LRMDA: variants seen among roughly 807,000 people sequenced by gnomAD.
LRMDA encodes leucine-rich melanocyte differentiation-associated protein.
LRMDA carries 18 observed loss-of-function variants against 29.8 expected under a neutral mutation model. The observed-to-expected ratio is 0.60, with a 90% CI of 0.42 to 0.90. The LOEUF is 0.90. Among genes scored for constraint, LRMDA ranks in the 40% least tolerant of loss-of-function variants. The pLI is 0.00. For missense variants in LRMDA, 273 were observed against 273.9 expected (o/e 1.00, Z 0.02); for synonymous variants, 125 against 109.4 (o/e 1.14, Z -0.89).
chr10:75,939,760 A>T (rs1846356923), intron 2 of LRMDA, among the ~76,000 whole-genome samples: 1 of 152,232 alleles, frequency 6.6e-6, no homozygotes, highest in Non-Finnish European at 1.5e-5. Context: ...GCTGGGGTGA[A>T]CTAGGTAGGT....
At chr10:75,824,101 C>T (rs1251716915) in intron 2 of LRMDA, among the ~76,000 whole-genome samples, 2 of 152,008 alleles carry the variant, frequency 1.3e-5, no homozygotes, top group African/African-American at 4.8e-5. Flanking sequence ...GTGATATATC[C>T]ATGTAACACA....
At chr10:76,011,883 A>G (rs935138994) in intron 2 of LRMDA, among the ~76,000 whole-genome samples, 8 of 152,164 alleles carry the variant, frequency 5.3e-5, no homozygotes, top group African/African-American at 1.9e-4. Context: ...TCCAGATTGC[A>G]TGGGATGGAA....
At chr10:76,059,621 T>C (rs1394092790) in intron 5 of LRMDA, among the ~76,000 whole-genome samples, 1 of 152,172 alleles carries the variant, frequency 6.6e-6, no homozygotes, top group African/African-American at 2.4e-5. Flanking sequence ...GCAACTTGTG[T>C]GTTGAAAATG....
At chr10:76,299,810 T>C (rs180739956) in intron 5 of LRMDA, among the ~76,000 whole-genome samples, 405 of 152,264 alleles carry the variant, frequency 2.7e-3, no homozygotes, top group African/African-American at 9.4e-3. Context: ...TTTTGTCCTC[T>C]AGAAAGATGT....
chr10:75,482,638 G>A (rs1424739198), intron 2 of LRMDA, among the ~76,000 whole-genome samples: 1 of 152,170 alleles, frequency 6.6e-6, no homozygotes, highest in East Asian at 1.9e-4. Flanking sequence ...TAATTGTTAA[G>A]TGACTGAGTA....
chr10:76,125,663 G>T (rs1849867498), intron 5 of LRMDA, among the ~76,000 whole-genome samples: 1 of 152,182 alleles, frequency 6.6e-6, no homozygotes, highest in Admixed American at 6.5e-5. Flanking sequence ...ACCTAGAGGA[G>T]GAGGGCGTGA....
chr10:75,621,185 G>A (rs980167123), intron 2 of LRMDA, among the ~76,000 whole-genome samples: 10 of 147,050 alleles, frequency 6.8e-5, no homozygotes, highest in African/African-American at 2.6e-4. Context: ...TTTTATGGCT[G>A]AGTAGTATTC....
Position 76,250,568 on chromosome 10 carries a change from A to G in LRMDA, c.517-73833A>G, listed in dbSNP as rs939649440. 3.3e-5 allele frequency among the ~76,000 whole-genome samples: 5 copies of G among 152,326 alleles called. 1 individual carries two copies. The highest frequency in any genetic ancestry group is 6.5e-5 in the Admixed American group (1 of 15,302). On this transcript the variant is annotated intron_variant, in intron 5 of 6. Coordinates refer to ENST00000611255, the MANE Select transcript of LRMDA (RefSeq NM_001305581.2). ...ATCATGAATAGGTTTCAAATCTCGTATTTGGAGCATTTCAATTTAAGTTTG... is the reference window on the plus strand; with the variant it reads ...ATCATGAATAGGTTTCAAATCTCGTGTTTGGAGCATTTCAATTTAAGTTTG...
chr10:76,276,915 T>C (rs1840142745), intron 5 of LRMDA, among the ~76,000 whole-genome samples: 8 of 152,170 alleles, frequency 5.3e-5, no homozygotes, highest in Admixed American at 5.2e-4. Context: ...GCCTGTACAC[T>C]CAAGAGTTAG....
intron 2 of LRMDA, among the ~76,000 whole-genome samples, chr10:75,640,321 A>G (rs1309496405): frequency 1.3e-5 from 2 of 152,086 alleles, no homozygotes; most frequent in Non-Finnish European, 2.9e-5. Context: ...CTAAGGAGGT[A>G]CTCTTAAATC....
intron 6 of LRMDA, among the ~76,000 whole-genome samples, chr10:76,365,107 T>TAC (rs61263118): frequency 1.6e-5 from 1 of 61,202 alleles, no homozygotes; most frequent in Non-Finnish European, 4.3e-5. Context: ...TATATATATA[T>TAC]ACACACACAC....
chr10:76,301,433 C>A (rs557505489), intron 5 of LRMDA, among the ~76,000 whole-genome samples: 5 of 152,304 alleles, frequency 3.3e-5, no homozygotes, highest in Admixed American at 2.6e-4. Flanking sequence ...GACGAAGAAG[C>A]GCAAGCTGGC....
intron 5 of LRMDA, among the ~76,000 whole-genome samples, chr10:76,137,031 C>A (rs1180577951): frequency 1.3e-5 from 2 of 152,180 alleles, no homozygotes; most frequent in African/African-American, 4.8e-5. Context: ...GGCCACCTTA[C>A]ACCAAACCAT....
chr10:76,275,725 T>C (rs1840122922), intron 5 of LRMDA, among the ~76,000 whole-genome samples: 1 of 152,140 alleles, frequency 6.6e-6, no homozygotes. Flanking sequence ...CTATTTGTAG[T>C]TGGCTGAGGT....
intron 2 of LRMDA, among the ~76,000 whole-genome samples, chr10:75,496,182 G>A (rs1845043124): frequency 6.6e-6 from 1 of 152,206 alleles, no homozygotes; most frequent in Non-Finnish European, 1.5e-5. Flanking sequence ...TAGGAACTAT[G>A]ATTGTGGTAC....
chr10:75,572,544 G>T (rs1368951742), intron 2 of LRMDA, among the ~76,000 whole-genome samples: 1 of 152,016 alleles, frequency 6.6e-6, no homozygotes, highest in African/African-American at 2.4e-5. Flanking sequence ...TTTAAGTTTC[G>T]ATTTCTGCCA....
intron 2 of LRMDA, among the ~76,000 whole-genome samples, chr10:75,725,208 C>T (rs914685237): frequency 1.3e-5 from 2 of 151,984 alleles, no homozygotes; most frequent in African/African-American, 4.8e-5. Flanking sequence ...CCCCTTTTTT[C>T]CCAAAGGCCA....
intron 5 of LRMDA, among the ~76,000 whole-genome samples, chr10:76,147,863 T>G (rs1850359361): frequency 6.6e-6 from 1 of 152,208 alleles, no homozygotes; most frequent in South Asian, 2.1e-4. Context: ...ATGCACTTTT[T>G]GTGTGGATGT....
intron 5 of LRMDA, among the ~76,000 whole-genome samples, chr10:76,272,124 C>A (rs1840075492): frequency 6.6e-6 from 1 of 152,194 alleles, no homozygotes; most frequent in Non-Finnish European, 1.5e-5. Flanking sequence ...TCCCACCTGA[C>A]TTCATTAAAG....
Sources: allele counts gnomAD v4.1 joint callset (sites outside exome capture counted in the v4.1 genomes callset), GRCh38; gene constraint gnomAD v4.1.1; transcripts MANE v1.5; gene names NCBI Gene and HGNC (gene_info 2026-07-23, HGNC 2026-07-21).